The following CERS6 variants were observed in gnomAD, a reference collection of about 807,000 sequenced individuals.
CERS6 encodes the protein ceramide synthase 6.
A neutral mutation model predicts 56.8 loss-of-function variants in CERS6; 26 were observed. The observed-to-expected ratio is 0.46, with a 90% CI of 0.34 to 0.63. CERS6 has a LOEUF of 0.63. Among genes scored for constraint, CERS6 ranks in the 30% least tolerant of loss-of-function variants. The pLI, the probability that CERS6 is intolerant of heterozygous loss-of-function variation, is 0.01. For missense variants in CERS6, 415 were observed against 467.5 expected (o/e 0.89, Z 1.04); for synonymous variants, 164 against 173.3 (o/e 0.95, Z 0.42).
intron 4 of CERS6, among the ~76,000 whole-genome samples, chr2:168,666,251 C>T (rs1685758414): frequency 6.6e-6 from 1 of 152,132 alleles, no homozygotes; most frequent in South Asian, 2.1e-4. Context: ...TGACATGCAT[C>T]CACCATTACA....
At chr2:168,550,915 G>A (rs918419995) in intron 2 of CERS6, among the ~76,000 whole-genome samples, 1 of 152,224 alleles carries the variant, frequency 6.6e-6, no homozygotes, top group African/African-American at 2.4e-5. Flanking sequence ...TAGGAAGTGG[G>A]GAGACAGGGA....
chr2:168,639,086 C>A (rs1182827149), intron 4 of CERS6, among the ~76,000 whole-genome samples: 3 of 152,034 alleles, frequency 2.0e-5, no homozygotes, highest in Non-Finnish European at 4.4e-5. Flanking sequence ...ATAACACTCA[C>A]TTAAATATGA....
chr2:168,706,687 G>A (rs1686949145), intron 6 of CERS6, among the ~76,000 whole-genome samples: 1 of 152,200 alleles, frequency 6.6e-6, no homozygotes, highest in South Asian at 2.1e-4. Flanking sequence ...GGACAGCTAT[G>A]AAAATTAAAT....
intron 3 of CERS6, among the ~76,000 whole-genome samples, chr2:168,628,803 A>G (rs753888498): frequency 2.0e-5 from 3 of 151,276 alleles, no homozygotes; most frequent in Non-Finnish European, 4.4e-5. Context: ...CACATTTTTT[A>G]CATCTAATTT....
intron 1 of CERS6, among the ~76,000 whole-genome samples, chr2:168,504,477 C>G (rs1217527216): frequency 6.6e-6 from 1 of 152,036 alleles, no homozygotes; most frequent in African/African-American, 2.4e-5. Flanking sequence ...ACAAGTGAGG[C>G]AATCTGTATC....
rs565205071 is a variant in CERS6 at position 168,742,411 on chromosome 2, A to G, written c.846-23181A>G. 3.9e-5 allele frequency among the ~76,000 whole-genome samples: 6 copies of G among 152,296 alleles called. No individual in the cohort carries two copies. In the East Asian group the frequency reaches 7.7e-4, roughly 20 times the overall value. On this transcript the variant is annotated intron_variant, in intron 8 of 9. Transcript: ENST00000305747. ...AGCCCTGTTTGGTCTATGCTTGTCA[A>G]TTGGTATGGCCACGAGGGACACTCT...
intron 6 of CERS6, among the ~76,000 whole-genome samples, chr2:168,704,189 A>C (rs1429837198): frequency 6.6e-6 from 1 of 152,176 alleles, no homozygotes; most frequent in Non-Finnish European, 1.5e-5. Context: ...CCTGGTTCTC[A>C]TAGACTCAGC....
rs769956120 is a variant in CERS6, at chr2:168,517,524, AT to A, written c.171-30071del. On this transcript the variant is annotated intron_variant, in intron 1 of 9. Coordinates refer to ENST00000305747, the MANE Select transcript of CERS6 (RefSeq NM_203463.3). ...AAATAAATAAATAAATAAATAAATAATAAAATAAAATAAACATTAAAAAAAA... is the reference window on the plus strand; with the variant it reads ...AAATAAATAAATAAATAAATAAATAAAAAATAAAATAAACATTAAAAAAAA... Among the ~76,000 whole-genome samples the A allele has an allele frequency of 3.1e-3, 456 of 147,318 alleles. 3 individuals carry two copies. Among genetic ancestry groups the A allele is most frequent in the African/African-American group, 0.011 (441 of 38,820 alleles).
At chr2:168,515,548 C>T (rs1182383427) in intron 1 of CERS6, among the ~76,000 whole-genome samples, 1 of 152,150 alleles carries the variant, frequency 6.6e-6, no homozygotes, top group Non-Finnish European at 1.5e-5. Flanking sequence ...AACATGCCAG[C>T]AAGATCATGA....
chr2:168,622,511 A>G (rs1222131111), intron 3 of CERS6, among the ~76,000 whole-genome samples: 1 of 152,238 alleles, frequency 6.6e-6, no homozygotes, highest in Non-Finnish European at 1.5e-5. Flanking sequence ...TGAGAGACAT[A>G]TAGCATTCCT....
chr2:168,632,114 T>C (rs1444384784), intron 4 of CERS6, among the ~76,000 whole-genome samples: 2 of 151,742 alleles, frequency 1.3e-5, no homozygotes, highest in African/African-American at 4.8e-5. Context: ...GGAACTACTG[T>C]CGGGTTAGAC....
chr2:168,661,142 T>C (rs1050140676), intron 4 of CERS6, among the ~76,000 whole-genome samples: 1 of 152,138 alleles, frequency 6.6e-6, no homozygotes, highest in Non-Finnish European at 1.5e-5. Context: ...CCCAGGAGGA[T>C]GTACATGTGA....
At chr2:168,624,382 A>G (rs1437534394) in intron 3 of CERS6, among the ~76,000 whole-genome samples, 1 of 152,152 alleles carries the variant, frequency 6.6e-6, no homozygotes, top group Non-Finnish European at 1.5e-5. Context: ...TCTGGAGTCA[A>G]ATTGCTTGGA....
At chr2:168,607,826 T>C (rs1684089577) in intron 3 of CERS6, among the ~76,000 whole-genome samples, 1 of 152,196 alleles carries the variant, frequency 6.6e-6, no homozygotes, top group African/African-American at 2.4e-5. Flanking sequence ...GAGAAGAGAA[T>C]TACAAAATAC....
chr2:168,621,988 G>C lies in CERS6; in HGVS notation c.408-8997G>C, dbSNP rs114863990. On this transcript the variant is annotated intron_variant, in intron 3 of 9. Transcript: ENST00000305747. The stretch of plus-strand genomic sequence containing the variant: ...AAGACGTAGTCATTTAATACATTCT[G>C]AGTGAGCATAATTCTTGTGTACAGA... Among the ~76,000 whole-genome samples, 398 of 152,318 alleles carry C rather than the reference G, an allele frequency of 2.6e-3. 3 individuals carry two copies. The highest frequency in any genetic ancestry group is 8.4e-3 in the African/African-American group (350 of 41,572).
At chr2:168,581,784 T>G (rs1377333822) in intron 3 of CERS6, among the ~76,000 whole-genome samples, 1 of 152,246 alleles carries the variant, frequency 6.6e-6, no homozygotes, top group Non-Finnish European at 1.5e-5. Flanking sequence ...CTGATTCTGA[T>G]TCATGGAACC....
At chr2:168,641,407 A>T (rs1018390115) in intron 4 of CERS6, among the ~76,000 whole-genome samples, 8 of 152,326 alleles carry the variant, frequency 5.3e-5, no homozygotes, top group Admixed American at 2.6e-4. Context: ...ACAAAGGCAA[A>T]TGAAGCATAA....
At chr2:168,751,873 G>A (rs1310380180) in intron 8 of CERS6, among the ~76,000 whole-genome samples, 1 of 152,140 alleles carries the variant, frequency 6.6e-6, no homozygotes, top group Non-Finnish European at 1.5e-5. Context: ...TATACCCTTT[G>A]CTTTCCGGCC....
At chr2:168,657,570 C>G (rs1685514857) in intron 4 of CERS6, among the ~76,000 whole-genome samples, 1 of 152,242 alleles carries the variant, frequency 6.6e-6, no homozygotes, top group South Asian at 2.1e-4. Context: ...ACTGCAGGTC[C>G]CGAGCCCTGC....
Sources: gnomAD v4.1 joint callset for allele counts (sites outside exome capture counted in the v4.1 genomes callset) on GRCh38, gnomAD v4.1.1 for gene constraint, MANE v1.5 for transcripts, NCBI Gene and HGNC (gene_info 2026-07-23, HGNC 2026-07-21) for gene names.